VSTM2B: variants seen among roughly 807,000 people sequenced by gnomAD.
VSTM2B encodes V-set and transmembrane domain-containing protein 2B.
Under a neutral mutation model 24.0 loss-of-function variants are expected in VSTM2B, and 24 were observed. That is an observed-to-expected ratio of 1.00 (90% CI 0.72 to 1.40). The LOEUF is 1.40. Among genes scored for constraint, VSTM2B ranks in the 40% most tolerant of loss-of-function variants. The pLI is 0.00. For missense variants in VSTM2B, 399 were observed against 416.4 expected (o/e 0.96, Z 0.36); for synonymous variants, 226 against 194.4 (o/e 1.16, Z -1.35).
chr19:29,529,636 C>G (rs938007575), intron 3 of VSTM2B, among the ~76,000 whole-genome samples, 183 bp from the exon 4 acceptor site: 15 of 152,248 alleles, frequency 9.9e-5, no homozygotes, highest in African/African-American at 3.6e-4. Context: ...GGCGTCCACG[C>G]AGAGTTGGAA....
At chr19:29,536,296 G>A (rs143554751) in intron 4 of VSTM2B, among the ~76,000 whole-genome samples, 21 of 152,344 alleles carry the variant, frequency 1.4e-4, no homozygotes, top group Non-Finnish European at 2.4e-4. Flanking sequence ...GCAATCAGGA[G>A]AGGCTTCCTG....
In VSTM2B at chr19:29,564,097, G is replaced by A. The variant is rs928554350; in HGVS notation, c.*163G>A. ...TTTTTGGGAAAGTTACACAAATGTA[G>A]AACACCTAAAATAATGCATCTAGTT... is the stretch of plus-strand genomic sequence containing the variant. On this transcript the variant is annotated 3_prime_UTR_variant, in exon 5 of 5. Transcript: ENST00000335523. 6.5e-6 allele frequency: 4 copies of A among 612,542 alleles called. No homozygotes were observed. In the African/African-American group the frequency reaches 7.4e-5, roughly 11 times the overall value. 37.9% of individuals were successfully genotyped at this position (612,542 alleles called of 1,614,324 possible).
At chr19:29,551,723 A>G (rs1012415949) in intron 4 of VSTM2B, among the ~76,000 whole-genome samples, 2 of 152,152 alleles carry the variant, frequency 1.3e-5, no homozygotes, top group South Asian at 4.1e-4. Context: ...CTGATTTTGC[A>G]CCTTAATCAT....
intron 4 of VSTM2B, among the ~76,000 whole-genome samples, chr19:29,563,303 AG>A (rs1970578070): frequency 6.7e-6 from 1 of 149,186 alleles, no homozygotes; most frequent in South Asian, 2.2e-4. Flanking sequence ...CCCAGGCTGG[AG>A]TGCAGTGGTG....
chr19:29,528,353 C>A, intron 2 of VSTM2B, 80 bp from the exon 3 acceptor site: 1 of 1,540,502 alleles, frequency 6.5e-7, no homozygotes, highest in Non-Finnish European at 8.8e-7. Flanking sequence ...AGGAGGGTGC[C>A]CTTGCCTAAA....
intron 4 of VSTM2B, among the ~76,000 whole-genome samples, chr19:29,559,821 T>C (rs960101726): frequency 4.6e-5 from 7 of 152,204 alleles, no homozygotes; most frequent in Admixed American, 2.6e-4. Flanking sequence ...CATGTTTGTA[T>C]TGTTAGCTTT....
intron 4 of VSTM2B, among the ~76,000 whole-genome samples, chr19:29,548,609 G>A (rs1041790382): frequency 1.3e-5 from 2 of 152,178 alleles, no homozygotes; most frequent in Non-Finnish European, 2.9e-5. Flanking sequence ...ACCCTGCAGC[G>A]GGCTGGGCCA....
intron 4 of VSTM2B, among the ~76,000 whole-genome samples, chr19:29,538,134 AG>A (rs1390879015): frequency 6.6e-6 from 1 of 152,174 alleles, no homozygotes; most frequent in Non-Finnish European, 1.5e-5. Flanking sequence ...GCCCTGCAAA[AG>A]TCACAGCATG....
chr19:29,563,073 G>A (rs1970571080), intron 4 of VSTM2B, among the ~76,000 whole-genome samples: 1 of 152,132 alleles, frequency 6.6e-6, no homozygotes, highest in Admixed American at 6.6e-5. Flanking sequence ...CCCAGACAGG[G>A]TGCGTGGGAG....
At chr19:29,547,751 C>T (rs950668077) in intron 4 of VSTM2B, among the ~76,000 whole-genome samples, 18 of 152,094 alleles carry the variant, frequency 1.2e-4, no homozygotes, top group Admixed American at 3.3e-4. Flanking sequence ...TGTTTGGGTG[C>T]TCAGGGAGGG....
In VSTM2B at chr19:29,529,822, G is replaced by T. The variant is rs369065882; in HGVS notation, c.301G>T (p.Val101Leu). 1.3e-6 allele frequency: 2 copies of T among 1,549,038 alleles called. No individual in the cohort carries two copies. Among genetic ancestry groups the T allele is most frequent in the Non-Finnish European group, 1.7e-6 (2 of 1,146,310 alleles). Residue 101 changes from valine to leucine, a missense_variant, in exon 4 of 5, where the codon GTA becomes TTA. Val to Leu is a conservative substitution (Grantham distance 32). Coordinates refer to ENST00000335523, the MANE Select transcript of VSTM2B (RefSeq NM_001146339.2). ...TNKDATKIST[V>L]RVQGNDISHR... ...CTCTAACCCTGCTCTCTTGCAGACCGTACGCGTCCAGGGCAATGACATCTC... is the reference window on the plus strand; with the variant it reads ...CTCTAACCCTGCTCTCTTGCAGACCTTACGCGTCCAGGGCAATGACATCTC...
Position 29,529,859 on chromosome 19 carries a change from G to C in VSTM2B, c.338G>C (p.Arg113Pro), listed in dbSNP as rs1281610158. The change falls in exon 4 of 5, where the codon CGG becomes CCG. Residue 113 changes from arginine to proline, a missense_variant. Coordinates refer to ENST00000335523, the MANE Select transcript of VSTM2B (RefSeq NM_001146339.2). ...VQGNDISHRL[R>P]LSAVRLQDEG... Reference sequence around the variant, plus strand: ...GGCAATGACATCTCACACCGGCTTCGGCTGTCTGCCGTGCGGCTGCAGGAC... The same window carrying C: ...GGCAATGACATCTCACACCGGCTTCCGCTGTCTGCCGTGCGGCTGCAGGAC... The C allele has an allele frequency of 5.8e-6, 9 of 1,550,104 alleles. No homozygotes were observed. Among genetic ancestry groups the C allele is most frequent in the Non-Finnish European group, 7.8e-6 (9 of 1,146,722 alleles).
At chr19:29,528,402 T>C (rs1969639564) in intron 2 of VSTM2B, 31 bp from the exon 3 acceptor site, 1 of 1,551,024 alleles carries the variant, frequency 6.4e-7, no homozygotes, top group Non-Finnish European at 8.7e-7. Context: ...GCCGCGAGCC[T>C]CACGTCTCTC....
intron 4 of VSTM2B, among the ~76,000 whole-genome samples, chr19:29,557,500 C>A (rs920151321): frequency 6.6e-6 from 1 of 152,104 alleles, no homozygotes; most frequent in African/African-American, 2.4e-5. Context: ...GAGTTCAAGA[C>A]CAGCCCGACC....
At chr19:29,530,438 C>CG (rs200862658) in intron 4 of VSTM2B, 148 bp downstream of exon 4, 5 of 640,974 alleles carry the variant, frequency 7.8e-6, no homozygotes, top group Non-Finnish European at 1.2e-5. Flanking sequence ...CGGGAGCGCC[C>CG]CCCCCAGGGC....
At chr19:29,557,022 TA>T (rs535263205) in intron 4 of VSTM2B, among the ~76,000 whole-genome samples, 2 of 151,932 alleles carry the variant, frequency 1.3e-5, no homozygotes, top group Non-Finnish European at 2.9e-5. Context: ...CACAGAATCA[TA>T]AAAAAAACTT....
intron 4 of VSTM2B, among the ~76,000 whole-genome samples, chr19:29,543,931 G>A (rs375161875): frequency 2.0e-5 from 3 of 152,132 alleles, no homozygotes; most frequent in East Asian, 3.9e-4. Context: ...AGCCTAGTGT[G>A]AGTGATTCCC....
At chr19:29,542,157 A>C (rs1970036167) in intron 4 of VSTM2B, among the ~76,000 whole-genome samples, 1 of 148,960 alleles carries the variant, frequency 6.7e-6, no homozygotes, top group Non-Finnish European at 1.5e-5. Flanking sequence ...AGATGGGTGG[A>C]TGGACTGGAG....
intron 3 of VSTM2B, 129 bp from the exon 4 acceptor site, chr19:29,529,690 C>T: frequency 1.1e-6 from 1 of 914,248 alleles, no homozygotes; most frequent in Non-Finnish European, 1.7e-6. Context: ...GAAGCCGGAT[C>T]GTGATGGTGG....
Sources: allele counts gnomAD v4.1 joint callset (sites outside exome capture counted in the v4.1 genomes callset), GRCh38; gene constraint gnomAD v4.1.1; transcripts MANE v1.5; gene names NCBI Gene and HGNC (gene_info 2026-07-23, HGNC 2026-07-21).